The following CD109 variants were observed in gnomAD, a reference collection of about 807,000 sequenced individuals.
The protein encoded by CD109 is CD109 molecule, also known as CD109 antigen.
A neutral mutation model predicts 165.8 loss-of-function variants in CD109; 149 were observed. That is an observed-to-expected ratio of 0.90 (90% CI 0.79 to 1.03). CD109 has a LOEUF of 1.03. Among genes scored for constraint, CD109 ranks in the 50% least tolerant of loss-of-function variants. The pLI is 0.00. For missense variants in CD109, 1,712 were observed against 1,677.8 expected (o/e 1.02, Z -0.36); for synonymous variants, 585 against 592.1 (o/e 0.99, Z 0.18).
chr6:73,681,923 C>T, the CD109 span, among the ~76,000 whole-genome samples: 2 of 152,154 alleles, frequency 1.3e-5, no homozygotes, highest in South Asian at 2.1e-4. Context: ...ATTTTAAAAA[C>T]CATTAGATCT....
chr6:73,731,782 GTAA>G (rs977379018), intron 4 of CD109, among the ~76,000 whole-genome samples: 1 of 152,170 alleles, frequency 6.6e-6, no homozygotes. Context: ...TAGAAAATAT[GTAA>G]TAATAAAACC....
intron 23 of CD109, among the ~76,000 whole-genome samples, chr6:73,797,480 G>C (rs557640088): frequency 6.6e-6 from 1 of 152,212 alleles, no homozygotes; most frequent in African/African-American, 2.4e-5. Context: ...AGTATGGCTA[G>C]TGGCCATAGC....
At chr6:73,768,643 A>G (rs2150232319) in intron 14 of CD109, among the ~76,000 whole-genome samples, 1 of 152,318 alleles carries the variant, frequency 6.6e-6, no homozygotes, top group South Asian at 2.1e-4. Flanking sequence ...CTGGGCTTTC[A>G]TTAATCTATT....
chr6:73,767,278 G>A (rs1773889143), intron 13 of CD109, among the ~76,000 whole-genome samples: 1 of 152,106 alleles, frequency 6.6e-6, no homozygotes, highest in South Asian at 2.1e-4. Flanking sequence ...TCATCATTTA[G>A]TGTGCACTTA....
chr6:73,819,142 G>A (rs1421591704), intron 31 of CD109, among the ~76,000 whole-genome samples: 1 of 152,164 alleles, frequency 6.6e-6, no homozygotes, highest in Admixed American at 6.5e-5. Flanking sequence ...GCTGGAAGAC[G>A]AAAGTCTTAA....
the CD109 span, among the ~76,000 whole-genome samples, chr6:73,681,138 A>G: frequency 6.6e-6 from 1 of 152,294 alleles, no homozygotes; most frequent in African/African-American, 2.4e-5. Context: ...CCAAAAGTCC[A>G]TTTAAATCCA....
chr6:73,735,421 A>AG (rs1033760333), intron 4 of CD109, among the ~76,000 whole-genome samples: 1 of 152,116 alleles, frequency 6.6e-6, no homozygotes, highest in Non-Finnish European at 1.5e-5. Context: ...GCAAGACTAG[A>AG]GGGGGAAGAT....
At chr6:73,792,405 CT>C (rs1775002936) in intron 22 of CD109, among the ~76,000 whole-genome samples, 1 of 152,158 alleles carries the variant, frequency 6.6e-6, no homozygotes, top group Non-Finnish European at 1.5e-5. Flanking sequence ...AAAATGTCCT[CT>C]TTCATCACAT....
At chr6:73,802,509 T>C (rs1775404690) in intron 23 of CD109, among the ~76,000 whole-genome samples, 1 of 151,798 alleles carries the variant, frequency 6.6e-6, no homozygotes, top group Admixed American at 6.6e-5. Flanking sequence ...CTTAAATTAA[T>C]GATACCCTAC....
Position 73,762,369 on chromosome 6 carries a change from T to C in CD109, c.759-15T>C, listed in dbSNP as rs189809778. 948 of 1,479,828 alleles carry C rather than the reference T, an allele frequency of 6.4e-4. No individual in the cohort carries two copies. The highest frequency in any genetic ancestry group is 8.2e-4 in the Non-Finnish European group (871 of 1,062,154). 91.7% of individuals were successfully genotyped at this position (1,479,828 alleles called of 1,614,324 possible). On this transcript the variant is annotated splice_polypyrimidine_tract_variant and intron_variant, in intron 7 of 32. Coordinates refer to ENST00000287097, the MANE Select transcript of CD109 (RefSeq NM_133493.5). The stretch of plus-strand genomic sequence containing the variant: ...CAAGTTGATACATAAAAAGACTATG[T>C]TTATAATTATTCAGGTATACATATG...
chr6:73,709,059 A>C (rs980316418), intron 2 of CD109, among the ~76,000 whole-genome samples: 5 of 152,074 alleles, frequency 3.3e-5, no homozygotes, highest in African/African-American at 1.2e-4. Context: ...GGTGTTTTAG[A>C]CATGAAGTCC....
intron 2 of CD109, among the ~76,000 whole-genome samples, chr6:73,709,892 C>T (rs534049601): frequency 2.9e-4 from 44 of 152,246 alleles, no homozygotes; most frequent in Admixed American, 6.5e-4. Context: ...AATTCAACAG[C>T]GCTTCATGCT....
intron 2 of CD109, among the ~76,000 whole-genome samples, chr6:73,717,238 A>T (rs1445866374): frequency 6.7e-6 from 1 of 149,282 alleles, no homozygotes. Flanking sequence ...TTTCTTTCTC[A>T]GTATGGCTTT....
At chr6:73,718,304 A>C (rs1459295062) in intron 2 of CD109, among the ~76,000 whole-genome samples, 1 of 152,048 alleles carries the variant, frequency 6.6e-6, no homozygotes, top group Non-Finnish European at 1.5e-5. Flanking sequence ...CAGTGGTGAA[A>C]GTGGGCATTC....
intron 23 of CD109, among the ~76,000 whole-genome samples, chr6:73,802,100 C>T (rs1775375022): frequency 1.3e-5 from 2 of 151,938 alleles, no homozygotes. Flanking sequence ...CATTGCTTTG[C>T]AAATATGAAA....
intron 3 of CD109, among the ~76,000 whole-genome samples, chr6:73,724,480 G>A (rs1344908417): frequency 6.6e-6 from 1 of 152,090 alleles, no homozygotes; most frequent in Non-Finnish European, 1.5e-5. Context: ...GTAAACCACA[G>A]CATCCAACAT....
chr6:73,730,335 T>C lies in CD109; in HGVS notation c.277-9T>C, dbSNP rs762138526. 4 of 1,552,322 alleles carry C rather than the reference T, an allele frequency of 2.6e-6. No homozygotes were observed. Among genetic ancestry groups the C allele is most frequent in the South Asian group, 2.3e-5 (2 of 87,108 alleles). ...GAGACCTTGATGTGTGATCTCTTTT[T>C]CCCCCCAGCTACCTCTGAACAGTGC... On this transcript the variant is annotated splice_polypyrimidine_tract_variant and intron_variant, in intron 3 of 32. Coordinates refer to ENST00000287097, the MANE Select transcript of CD109 (RefSeq NM_133493.5).
At chr6:73,809,913 G>A (rs2150298869) in intron 26 of CD109, 71 bp from the exon 27 acceptor site, 1 of 1,199,888 alleles carries the variant, frequency 8.3e-7, no homozygotes, top group Non-Finnish European at 1.2e-6. Context: ...GACCAGAGTA[G>A]GAATATTTAA....
chr6:73,730,453 T>C lies in CD109; in HGVS notation c.386T>C (p.Ile129Thr). Residue 129 changes from isoleucine to threonine, a missense_variant, in exon 4 of 33, where the codon ATA becomes ACA. Coordinates refer to ENST00000287097, the MANE Select transcript of CD109 (RefSeq NM_133493.5). ...STRLSFETKRISVFIQTDKAL... is the reference protein window; with the variant it reads ...STRLSFETKRTSVFIQTDKAL... ...CGCTTATCATTTGAGACCAAGAGAA[T>C]ATCTGTCTTCATTCAAACAGACAAG... The C allele has an allele frequency of 6.2e-7, 1 of 1,613,606 alleles. No individual in the cohort carries two copies. The highest frequency in any genetic ancestry group is 1.3e-5 in the African/African-American group (1 of 75,022).
Sources: gnomAD v4.1 joint callset for allele counts (sites outside exome capture counted in the v4.1 genomes callset) on GRCh38, gnomAD v4.1.1 for gene constraint, MANE v1.5 for transcripts, NCBI Gene and HGNC (gene_info 2026-07-23, HGNC 2026-07-21) for gene names.